EFCAB8: variants seen among roughly 807,000 people sequenced by gnomAD.
The protein encoded by EFCAB8 is EF-hand calcium-binding domain-containing protein 8.
A neutral mutation model predicts 116.3 loss-of-function variants in EFCAB8; 100 were observed. The ratio of observed to expected loss-of-function variants is 0.86; its 90% CI spans 0.73 to 1.02. EFCAB8 has a LOEUF of 1.02. Ranked by LOEUF, EFCAB8 falls within the 50% of genes least tolerant of loss-of-function variation. The probability of loss-of-function intolerance (pLI) is 0.00; values close to 1 mark genes in which losing one functional copy is unlikely to be tolerated. For synonymous variants in EFCAB8, 558 were observed against 567.9 expected, an observed-to-expected ratio of 0.98 and a Z score of 0.25; for missense variants, 1,320 against 1,416.9, an observed-to-expected ratio of 0.93 and a Z score of 1.10.
chr20:32,933,438 A>G (rs886551023), intron 22 of EFCAB8, among the ~76,000 whole-genome samples: 2 of 152,250 alleles, frequency 1.3e-5, no homozygotes, highest in Non-Finnish European at 2.9e-5. Flanking sequence ...GCCAATTAAC[A>G]TATCTACCAC....
intron 20 of EFCAB8, among the ~76,000 whole-genome samples, chr20:32,920,765 T>G (rs930307635): frequency 6.6e-6 from 1 of 152,028 alleles, no homozygotes; most frequent in African/African-American, 2.4e-5. Context: ...CCATATCAGC[T>G]CCCAAGGAGG....
At chr20:32,957,343 C>A (rs1214795023) in intron 23 of EFCAB8, among the ~76,000 whole-genome samples, 1 of 151,060 alleles carries the variant, frequency 6.6e-6, no homozygotes, top group East Asian at 1.9e-4. Flanking sequence ...CAAAACTTTT[C>A]TGGGCTTGTA....
chr20:32,898,289 T>A (rs1226325593), intron 10 of EFCAB8: 3 of 496,634 alleles, frequency 6.0e-6, no homozygotes, highest in African/African-American at 5.7e-5. Context: ...TTTAAAAATT[T>A]TCAGTGACGA....
chr20:32,950,535 T>A (rs531403696), intron 23 of EFCAB8, among the ~76,000 whole-genome samples: 5 of 152,154 alleles, frequency 3.3e-5, no homozygotes, highest in Non-Finnish European at 7.4e-5. Flanking sequence ...CTAAGAGTTT[T>A]TAAGGATTCA....
chr20:32,939,205 T>TTC (rs1988300228), intron 22 of EFCAB8, among the ~76,000 whole-genome samples: 1 of 91,762 alleles, frequency 1.1e-5, no homozygotes, highest in Admixed American at 1.0e-4. Flanking sequence ...CTTTCTTTCC[T>TTC]CTCTCTCTCT....
In EFCAB8 at chr20:32,907,012, G is replaced by A. The variant is rs941382623; in HGVS notation, c.1308+18G>A. On this transcript the variant is annotated intron_variant, in intron 13 of 26. Coordinates refer to ENST00000400522, the MANE Select transcript of EFCAB8 (RefSeq NM_001143967.2). ...AGGACAAGGTCCGCCCCGACGGTCC[G>A]CCTGACTCCTTCTGTTCCTCAGGGA... 3 of 1,486,894 alleles carry A rather than the reference G, an allele frequency of 2.0e-6. No homozygotes were observed. Among genetic ancestry groups the A allele is most frequent in the African/African-American group, 1.4e-5 (1 of 71,206 alleles). 92.1% of individuals were successfully genotyped at this position (1,486,894 alleles called of 1,614,324 possible). A position where few individuals can be genotyped will look rare whatever the true frequency, so the allele number is the denominator to read the frequency against.
intron 14 of EFCAB8, 37 bp downstream of exon 14, chr20:32,908,449 G>A (rs1047204211): frequency 1.4e-5 from 18 of 1,249,476 alleles, no homozygotes; most frequent in Admixed American, 1.3e-4. Flanking sequence ...GGTCAAGGCC[G>A]CAGGTGGAGG....
At chr20:32,935,164 C>T in intron 22 of EFCAB8, among the ~76,000 whole-genome samples, 1 of 119,218 alleles carries the variant, frequency 8.4e-6, no homozygotes. Flanking sequence ...ATTTTCTCTT[C>T]TCTTCTCTTT....
intron 22 of EFCAB8, among the ~76,000 whole-genome samples, chr20:32,935,083 A>AT (rs968750370): frequency 6.9e-5 from 10 of 145,772 alleles, no homozygotes; most frequent in African/African-American, 2.0e-4. Context: ...GGTGCTCAGC[A>AT]TTTTTTTTCT....
chr20:32,952,990 C>A (rs966385654), intron 23 of EFCAB8, among the ~76,000 whole-genome samples: 6 of 152,164 alleles, frequency 3.9e-5, no homozygotes, highest in African/African-American at 1.4e-4. Context: ...CCGTTACCTC[C>A]AGCCCCTGGT....
chr20:32,904,895 G>A (rs1986604561), intron 11 of EFCAB8, among the ~76,000 whole-genome samples: 1 of 152,220 alleles, frequency 6.6e-6, no homozygotes, highest in South Asian at 2.1e-4. Context: ...CCAAAGTGCT[G>A]GGATTACAGG....
At chr20:32,901,954 G>A (rs1430566271) in intron 11 of EFCAB8, among the ~76,000 whole-genome samples, 2 of 152,178 alleles carry the variant, frequency 1.3e-5, no homozygotes, top group East Asian at 3.8e-4. Flanking sequence ...CCAAAGTGCT[G>A]GGATTACAGG....
intron 17 of EFCAB8, among the ~76,000 whole-genome samples, chr20:32,914,017 C>G (rs1248857253): frequency 2.0e-5 from 3 of 152,242 alleles, no homozygotes; most frequent in African/African-American, 7.2e-5. Flanking sequence ...TGCCTGGGCC[C>G]TGCCCCTGTG....
intron 19 of EFCAB8, among the ~76,000 whole-genome samples, 154 bp downstream of exon 19, chr20:32,918,728 C>G (rs1003693719): frequency 6.6e-6 from 1 of 152,182 alleles, no homozygotes; most frequent in East Asian, 1.9e-4. Flanking sequence ...TGGGCCTGGG[C>G]AGGGCACCCT....
chr20:32,862,711 T>TGGATTCC (rs1984174608), intron 1 of EFCAB8, among the ~76,000 whole-genome samples: 1 of 152,146 alleles, frequency 6.6e-6, no homozygotes, highest in Non-Finnish European at 1.5e-5. Flanking sequence ...CATGGCAACC[T>TGGATTCC]CTGCCTCCCA....
intron 6 of EFCAB8, among the ~76,000 whole-genome samples, chr20:32,887,604 T>C (rs1985697799): frequency 6.6e-6 from 1 of 152,178 alleles, no homozygotes; most frequent in Non-Finnish European, 1.5e-5. Context: ...ACAGATTCCT[T>C]AGGTGGCCAC....
intron 5 of EFCAB8, among the ~76,000 whole-genome samples, chr20:32,879,382 A>ACTC (rs950693255): frequency 6.6e-6 from 1 of 151,292 alleles, no homozygotes; most frequent in African/African-American, 2.4e-5. Flanking sequence ...CGCTCTGCTC[A>ACTC]CTCCTCCTCC....
At chr20:32,942,529 A>C (rs1056487466) in intron 22 of EFCAB8, among the ~76,000 whole-genome samples, 1 of 152,068 alleles carries the variant, frequency 6.6e-6, no homozygotes, top group African/African-American at 2.4e-5. Flanking sequence ...TCTAAAAAAA[A>C]AAACCAATAA....
At position 32,878,808 on chromosome 20, in the gene EFCAB8, G is replaced by A. The variant is rs1355367194; in HGVS notation, c.431+1G>A. ...ACCTTCCCATGACGGTCGTCCCCCT[G>A]TAAGGAGCCTCTTCCTGGGCCTTGG... On this transcript the variant is annotated splice_donor_variant, in intron 5 of 26. Transcript: ENST00000400522. LOFTEE classifies it high-confidence loss of function. The A allele has an allele frequency of 9.7e-6, 15 of 1,551,952 alleles. No homozygotes were observed. The highest frequency in any genetic ancestry group is 1.4e-5 in the African/African-American group (1 of 73,048).
Sources: allele counts gnomAD v4.1 joint callset (sites outside exome capture counted in the v4.1 genomes callset), GRCh38; gene constraint gnomAD v4.1.1; transcripts MANE v1.5; gene names NCBI Gene and HGNC (gene_info 2026-07-23, HGNC 2026-07-21).